The following MUCL1 variants were observed in gnomAD, a reference collection of about 807,000 sequenced individuals.
MUCL1 encodes mucin-like protein 1.
In MUCL1, 11 loss-of-function variants were observed where a neutral mutation model predicts 9.2. The ratio of observed to expected loss-of-function variants is 1.19; its 90% CI spans 0.75 to 1.97. The LOEUF is 1.97. Ranked by LOEUF, MUCL1 falls within the 30% of genes most tolerant of loss-of-function variation. MUCL1 has a pLI of 0.00. For missense variants in MUCL1, 144 were observed against 110.9 expected (o/e 1.30, Z -1.34); for synonymous variants, 48 against 40.5 (o/e 1.19, Z -0.71).
upstream of MUCL1, among the ~76,000 whole-genome samples, chr12:54,838,521 T>C (rs1959197180): frequency 6.6e-6 from 1 of 152,210 alleles, no homozygotes; most frequent in South Asian, 2.1e-4. Flanking sequence ...CTCAAATAAG[T>C]TTTTGAAACT....
chr12:54,843,019 T>C (rs1477499301), intron 1 of MUCL1, among the ~76,000 whole-genome samples: 1 of 152,196 alleles, frequency 6.6e-6, no homozygotes, highest in Non-Finnish European at 1.5e-5. Context: ...AGAAACATGC[T>C]GTACAGGTTT....
chr12:54,841,193 A>G (rs929934571), intron 1 of MUCL1, among the ~76,000 whole-genome samples: 1 of 152,200 alleles, frequency 6.6e-6, no homozygotes, highest in Non-Finnish European at 1.5e-5. Flanking sequence ...TAAATAATAC[A>G]TACATGTATA....
chr12:54,849,722 C>T (rs1177741572), upstream of MUCL1, among the ~76,000 whole-genome samples: 1 of 151,960 alleles, frequency 6.6e-6, no homozygotes, highest in Non-Finnish European at 1.5e-5. Context: ...TAATGCTGTT[C>T]ATTTTAATGA....
At chr12:54,843,574 G>A (rs906213170) in intron 1 of MUCL1, among the ~76,000 whole-genome samples, 2 of 152,186 alleles carry the variant, frequency 1.3e-5, no homozygotes, top group Non-Finnish European at 2.9e-5. Flanking sequence ...TATTCAGGTA[G>A]GCACAGTGTA....
chr12:54,856,983 C>T (rs1868305920), intron 3 of MUCL1, 91 bp downstream of exon 3: 1 of 1,553,630 alleles, frequency 6.4e-7, no homozygotes, highest in Non-Finnish European at 8.7e-7. Context: ...TTTTTGAGGT[C>T]AGGGAGACCT....
chr12:54,844,901 C>T (rs1222675216), intron 1 of MUCL1, among the ~76,000 whole-genome samples: 3 of 152,178 alleles, frequency 2.0e-5, no homozygotes, highest in Non-Finnish European at 2.9e-5. Flanking sequence ...TGACACTACA[C>T]AAAAACTATT....
At chr12:54,845,207 T>TAGTC (rs3062464) in intron 1 of MUCL1, among the ~76,000 whole-genome samples, 141,789 of 152,028 alleles carry the variant, frequency 0.93, 66,157 homozygotes, top group East Asian at 1. Context: ...TTCATCTTCT[T>TAGTC]AGATACTTTC....
At chr12:54,831,528 A>G (rs1056186746) in intron 1 of MUCL1, among the ~76,000 whole-genome samples, 7 of 152,120 alleles carry the variant, frequency 4.6e-5, no homozygotes, top group African/African-American at 1.7e-4. Flanking sequence ...TGAGATGATG[A>G]CTAACTTTGC....
upstream of MUCL1, among the ~76,000 whole-genome samples, chr12:54,851,301 T>A (rs985744301): frequency 6.6e-6 from 1 of 152,176 alleles, no homozygotes; most frequent in African/African-American, 2.4e-5. Flanking sequence ...AGGTCTAACA[T>A]GTAAGTCTTT....
At chr12:54,838,300 G>A (rs900412703), upstream of MUCL1, among the ~76,000 whole-genome samples, 1 of 152,200 alleles carries the variant, frequency 6.6e-6, no homozygotes, top group African/African-American at 2.4e-5. Context: ...GAAGTCTGCT[G>A]TTAGTTTGAT....
In MUCL1 at chr12:54,854,615, A is replaced by G. The variant is rs1868285425; in HGVS notation, c.33A>G (p.Gly11=). The G allele has an allele frequency of 1.9e-6, 3 of 1,613,418 alleles. No individual in the cohort carries two copies. Among genetic ancestry groups the G allele is most frequent in the Non-Finnish European group, 2.5e-6 (3 of 1,179,604 alleles). ...TCTTAGCAGTCCTGGTACTCTTGGG[A>G]GTTTCCATCTTTCTGGTCTCTGCCC... MKFLAVLVLL[G]VSIFLVSAQN... Residue 11 remains glycine, a synonymous_variant, in exon 1 of 4, where the codon GGA becomes GGG. Transcript: ENST00000308796.
upstream of MUCL1, among the ~76,000 whole-genome samples, chr12:54,850,849 A>C (rs1325896754): frequency 6.6e-6 from 1 of 152,302 alleles, no homozygotes; most frequent in Middle Eastern, 3.4e-3. Flanking sequence ...AATGATTGCC[A>C]TTCTAACTGG....
At chr12:54,851,111 G>A (rs1353317603), upstream of MUCL1, among the ~76,000 whole-genome samples, 6 of 152,078 alleles carry the variant, frequency 3.9e-5, no homozygotes, top group Non-Finnish European at 8.8e-5. Flanking sequence ...TCTGTAGGTT[G>A]CCTGTTCACT....
chr12:54,840,673 A>T (rs1472304196), intron 1 of MUCL1, among the ~76,000 whole-genome samples: 1 of 152,184 alleles, frequency 6.6e-6, no homozygotes, highest in East Asian at 1.9e-4. Flanking sequence ...CACTCTGGCT[A>T]TCCATATGTG....
At chr12:54,830,897 A>G (rs952730293) in intron 1 of MUCL1, 17 of 152,320 alleles carry the variant, frequency 1.1e-4, no homozygotes, top group African/African-American at 4.1e-4. Context: ...ATACACACAA[A>G]CAGCTTCATA....
chr12:54,834,474 A>G (rs991692654), upstream of MUCL1, among the ~76,000 whole-genome samples: 33 of 152,016 alleles, frequency 2.2e-4, no homozygotes, highest in Non-Finnish European at 7.4e-5. Context: ...ATTGTATTTT[A>G]TTTTTAAAAT....
At chr12:54,843,231 T>A (rs1331959928) in intron 1 of MUCL1, among the ~76,000 whole-genome samples, 1 of 152,238 alleles carries the variant, frequency 6.6e-6, no homozygotes, top group African/African-American at 2.4e-5. Flanking sequence ...AGGAGAATGC[T>A]TTTGATGCTT....
Position 54,855,169 on chromosome 12 carries a change from C to T in MUCL1, c.100+12C>T. 1 of 1,612,182 alleles carries T rather than the reference C, an allele frequency of 6.2e-7. No homozygotes were observed. The highest frequency in any genetic ancestry group is 1.1e-5 in the South Asian group (1 of 91,018). On this transcript the variant is annotated intron_variant, in intron 2 of 3. Coordinates refer to ENST00000308796, the MANE Select transcript of MUCL1 (RefSeq NM_058173.3). ...CACGTATCCAGCTAGTGAGTCTGCACTTGAATGTCATCTCTTTCCAGCAAT... is the reference window on the plus strand; with the variant it reads ...CACGTATCCAGCTAGTGAGTCTGCATTTGAATGTCATCTCTTTCCAGCAAT...
Position 54,854,620 on chromosome 12 carries a change from C to T in MUCL1, c.38C>T (p.Ser13Phe), listed in dbSNP as rs768487554. The change falls in exon 1 of 4, where the codon TCC (serine) becomes TTC (phenylalanine). Residue 13 changes from serine to phenylalanine, a missense_variant. Ser to Phe is a radical substitution (Grantham distance 155, BLOSUM62 -2). Coordinates refer to ENST00000308796, the MANE Select transcript of MUCL1 (RefSeq NM_058173.3). ...GCAGTCCTGGTACTCTTGGGAGTTT[C>T]CATCTTTCTGGTCTCTGCCCGTAAG... is the stretch of plus-strand genomic sequence containing the variant. ...FLAVLVLLGV[S>F]IFLVSAQNPT... 6.2e-7 allele frequency: 1 copy of T among 1,613,448 alleles called. No individual in the cohort carries two copies. The highest frequency in any genetic ancestry group is 8.5e-7 in the Non-Finnish European group (1 of 1,179,604).
Sources: allele counts gnomAD v4.1 joint callset (sites outside exome capture counted in the v4.1 genomes callset), GRCh38; gene constraint gnomAD v4.1.1; transcripts MANE v1.5; gene names NCBI Gene and HGNC (gene_info 2026-07-23, HGNC 2026-07-21).